Variants in DYNC1H1 observed in about 807,000 individuals in gnomAD.
DYNC1H1 encodes the protein dynein cytoplasmic 1 heavy chain 1.
In DYNC1H1, 51 loss-of-function variants were observed where a neutral mutation model predicts 527.1. The observed-to-expected ratio is 0.10, with a 90% CI of 0.08 to 0.12. The LOEUF is 0.12. DYNC1H1 is among the 10% of genes least tolerant of loss of function. The pLI, the probability that DYNC1H1 is intolerant of heterozygous loss-of-function variation, is 1.00. For missense variants in DYNC1H1, 2,771 were observed against 5,971.8 expected (o/e 0.46, Z 17.66); for synonymous variants, 2,189 against 2,278.8 (o/e 0.96, Z 1.12).
rs118014540 is a variant in DYNC1H1, at chr14:102,027,583, G to A, written c.9049-36G>A. 765 of 1,614,082 alleles carry A rather than the reference G, an allele frequency of 4.7e-4. 10 individuals are homozygous for A. The East Asian group carries it at 0.014, about 30-fold the overall frequency. ...GTGTTGCGTTGCATTACGTGTTACCGGGGGACCAGTAAGTCAGCACTGTGC... is the reference window on the plus strand; with the variant it reads ...GTGTTGCGTTGCATTACGTGTTACCAGGGGACCAGTAAGTCAGCACTGTGC... On this transcript the variant is annotated intron_variant, in intron 46 of 77. Coordinates refer to ENST00000360184, the MANE Select transcript of DYNC1H1 (RefSeq NM_001376.5). The surrounding 1 kb of genome is among the most constrained non-coding windows in gnomAD (Gnocchi z 7.7).
chr14:101,981,668 C>G (rs1202836840), intron 5 of DYNC1H1, among the ~76,000 whole-genome samples: 1 of 152,194 alleles, frequency 6.6e-6, no homozygotes, highest in Non-Finnish European at 1.5e-5. Flanking sequence ...TAGAAACCTT[C>G]CGGTTACTTA....
intron 28 of DYNC1H1, 137 bp from the exon 29 acceptor site, chr14:102,008,041 A>G: frequency 2.5e-6 from 3 of 1,219,632 alleles, no homozygotes; most frequent in Admixed American, 1.9e-5. Context: ...AACCTTAGTT[A>G]TGTCCTTACA....
Position 102,008,349 on chromosome 14 carries a change from C to T in DYNC1H1, c.5977+12C>T, listed in dbSNP as rs967068629. 3 of 1,613,836 alleles carry T rather than the reference C, an allele frequency of 1.9e-6. No homozygotes were observed. The highest frequency in any genetic ancestry group is 2.7e-5 in the African/African-American group (2 of 74,940). On this transcript the variant is annotated intron_variant, in intron 29 of 77. Coordinates refer to ENST00000360184, the MANE Select transcript of DYNC1H1 (RefSeq NM_001376.5). ...CAACTACGACAAGAGTAAGACACCTCTTCTTCAAAAATTACTTAGAGAATG... is the reference window on the plus strand; with the variant it reads ...CAACTACGACAAGAGTAAGACACCTTTTCTTCAAAAATTACTTAGAGAATG...
Position 102,017,665 on chromosome 14 carries a change from A to T in DYNC1H1, c.8177+161A>T. On this transcript the variant is annotated intron_variant, in intron 40 of 77. Coordinates refer to ENST00000360184, the MANE Select transcript of DYNC1H1 (RefSeq NM_001376.5). The surrounding 1 kb of genome is among the most constrained non-coding windows in gnomAD (Gnocchi z 4.6). ...CTCTGTGCTGTAATGCCAGGAAAAC[A>T]TGTTAAAAATAAAAGCATTGGCCGG... is the stretch of plus-strand genomic sequence containing the variant. 2 of 1,366,684 alleles carry T rather than the reference A, an allele frequency of 1.5e-6. No individual in the cohort carries two copies. Among genetic ancestry groups the T allele is most frequent in the Non-Finnish European group, 2.0e-6 (2 of 986,262 alleles). The allele number at this position is 1,366,684 out of a possible 1,614,324, so 84.7% of individuals were successfully genotyped here. A position where few individuals can be genotyped will look rare whatever the true frequency, so the allele number is the denominator to read the frequency against.
Position 102,043,913 on chromosome 14 carries a change from C to G in DYNC1H1, c.12552C>G (p.Ala4184=). Residue 4184 remains alanine, a synonymous_variant, in exon 70 of 78, where the codon GCC becomes GCG. Coordinates refer to ENST00000360184, the MANE Select transcript of DYNC1H1 (RefSeq NM_001376.5). ...NERARLYFLL[A]WFHAIIQERL... ...GTGCCCGCTTGTACTTCCTGCTGGC[C>G]TGGTTTCATGCGATCATCCAAGAAC... 6.2e-7 allele frequency: 1 copy of G among 1,614,204 alleles called. No homozygotes were observed. The highest frequency in any genetic ancestry group is 8.5e-7 in the Non-Finnish European group (1 of 1,180,044).
chr14:102,042,573 G>A lies in DYNC1H1; in HGVS notation c.12400-62G>A. On this transcript the variant is annotated intron_variant, in intron 68 of 77. Transcript: ENST00000360184. The surrounding 1 kb of genome is among the most constrained non-coding windows in gnomAD (Gnocchi z 5.7). ...GCACTGTGCTGTCGGCACGTGTGTG[G>A]TGGAATTGAACAGGCGCCCTCATCC... 3 of 1,613,776 alleles carry A rather than the reference G, an allele frequency of 1.9e-6. No individual in the cohort carries two copies. Among genetic ancestry groups the A allele is most frequent in the Non-Finnish European group, 2.5e-6 (3 of 1,179,870 alleles).
chr14:101,970,247 C>T (rs930825835), intron 1 of DYNC1H1, among the ~76,000 whole-genome samples: 12 of 151,970 alleles, frequency 7.9e-5, no homozygotes, highest in African/African-American at 2.4e-4. Context: ...GAGAATACTC[C>T]GACTTTCTCA....
In DYNC1H1 at chr14:101,965,136, G is replaced by A. The variant is rs2047650733; in HGVS notation, c.256+189G>A. Among the ~76,000 whole-genome samples the A allele has an allele frequency of 6.6e-6, 1 of 151,812 alleles. No individual in the cohort carries two copies. Among genetic ancestry groups the A allele is most frequent in the Non-Finnish European group, 1.5e-5 (1 of 67,920 alleles). On this transcript the variant is annotated intron_variant, in intron 1 of 77. Coordinates refer to ENST00000360184, the MANE Select transcript of DYNC1H1 (RefSeq NM_001376.5). This position sits in a 1 kb window ranked among gnomAD's most constrained non-coding sequence, Gnocchi z 4.1. ...GGGTCCCCAGGGCCGCAGACGCCCC[G>A]CAGAGGCCGGCGCGGCGCCCGGGGC...
rs1189061641 is a variant in DYNC1H1 at position 102,010,897 on chromosome 14, A to C, written c.6563A>C (p.Glu2188Ala). Reference protein sequence around the residue: ...LREELKKVCQEMYLTYGDGEE... With the variant: ...LREELKKVCQAMYLTYGDGEE... ...GAGGAGCTGAAGAAAGTGTGTCAGG[A>C]GATGTATTTGACATATGGAGATGGA... Residue 2188 changes from glutamate (E) to alanine (A), a missense_variant, in exon 32 of 78, where the codon GAG becomes GCG. Physicochemically the swap from Glu to Ala is moderately radical, Grantham distance 107 (BLOSUM62 -1). Coordinates refer to ENST00000360184, the MANE Select transcript of DYNC1H1 (RefSeq NM_001376.5). The surrounding 1 kb of genome is among the most constrained non-coding windows in gnomAD (Gnocchi z 6.0). 2 of 1,614,118 alleles carry C rather than the reference A, an allele frequency of 1.2e-6. No homozygotes were observed. Among genetic ancestry groups the C allele is most frequent in the African/African-American group, 2.7e-5 (2 of 74,952 alleles).
At position 101,994,992 on chromosome 14, in the gene DYNC1H1, T is replaced by A. The variant is rs2048042458; in HGVS notation, c.3340T>A (p.Ser1114Thr). ...PVVIDYGKVQ[S>T]KVNLKYDSWH... ...TGTGCTATTTCACCCTCAGGTACAA[T>A]CTAAGGTGAACTTGAAATATGACTC... Residue 1114 changes from serine (S) to threonine (T), a missense_variant, in exon 14 of 78, where the codon TCT (serine) becomes ACT (threonine). Ser to Thr is a moderately conservative substitution (Grantham distance 58). Transcript: ENST00000360184. 2 of 1,614,074 alleles carry A rather than the reference T, an allele frequency of 1.2e-6. No homozygotes were observed. Among genetic ancestry groups the A allele is most frequent in the Admixed American group, 3.3e-5 (2 of 60,012 alleles).
chr14:101,971,183 G>A (rs957052530), intron 1 of DYNC1H1, among the ~76,000 whole-genome samples: 6 of 140,184 alleles, frequency 4.3e-5, no homozygotes, highest in South Asian at 2.2e-4. Context: ...CTGCAGCCTC[G>A]GTCTCCTGGG....
At chr14:101,994,608 A>G in intron 12 of DYNC1H1, 65 bp from the exon 13 acceptor site, 1 of 1,587,234 alleles carries the variant, frequency 6.3e-7, no homozygotes, top group Non-Finnish European at 8.6e-7. Flanking sequence ...TGTGAACATA[A>G]GAGGTGCCAG....
rs1434545215 is a variant in DYNC1H1, at chr14:102,010,093, A to G, written c.6221+7A>G. ...AAATCGTCCCGTTTTTTAAGTAAGT[A>G]GCCTAGAATTCTTCATAATCATGTT... is the stretch of plus-strand genomic sequence containing the variant. On this transcript the variant is annotated splice_region_variant and intron_variant, in intron 30 of 77. Coordinates refer to ENST00000360184, the MANE Select transcript of DYNC1H1 (RefSeq NM_001376.5). This position sits in a 1 kb window ranked among gnomAD's most constrained non-coding sequence, Gnocchi z 6.0. 6.2e-7 allele frequency: 1 copy of G among 1,613,394 alleles called. No homozygotes were observed. The highest frequency in any genetic ancestry group is 8.5e-7 in the Non-Finnish European group (1 of 1,180,054).
intron 69 of DYNC1H1, chr14:102,043,416 C>T (rs1323720286): frequency 6.7e-6 from 2 of 300,048 alleles, no homozygotes; most frequent in Admixed American, 4.9e-5. Context: ...CCCAGAGGAG[C>T]AGAGATGCCC....
intron 27 of DYNC1H1, among the ~76,000 whole-genome samples, chr14:102,006,454 C>T (rs1416672042): frequency 1.3e-5 from 2 of 152,160 alleles, no homozygotes; most frequent in Non-Finnish European, 2.9e-5. Context: ...AGGCTGGTCT[C>T]GAACTCCTGA....
intron 1 of DYNC1H1, among the ~76,000 whole-genome samples, chr14:101,974,813 G>A (rs985470368): frequency 2.0e-5 from 3 of 152,194 alleles, no homozygotes; most frequent in African/African-American, 7.2e-5. Flanking sequence ...GATTACTGAC[G>A]TAAGCCACCA....
At chr14:101,971,085 CTTTTTTTTT>C (rs780745783) in intron 1 of DYNC1H1, among the ~76,000 whole-genome samples, 20 of 64,080 alleles carry the variant, frequency 3.1e-4, no homozygotes, top group South Asian at 5.6e-4. Context: ...CCGTATCATT[CTTTTTTTTT>C]TTTTTTTTTT....
At chr14:102,037,017 A>G in intron 57 of DYNC1H1, 1 of 333,666 alleles carries the variant, frequency 3.0e-6, no homozygotes, top group Non-Finnish European at 5.9e-6. Flanking sequence ...GAATCACTTG[A>G]ACCCGGGAGG....
Position 102,012,489 on chromosome 14 carries a change from G to C in DYNC1H1, c.7014+19G>C. On this transcript the variant is annotated intron_variant, in intron 34 of 77. Transcript: ENST00000360184. The surrounding 1 kb of genome is among the most constrained non-coding windows in gnomAD (Gnocchi z 4.9). ...ACCCAATGTAAGTAGCCTTTTGTAT[G>C]TCGTCAACTGAATAATTCCTTTTGG... 6.2e-7 allele frequency: 1 copy of C among 1,614,160 alleles called. No homozygotes were observed. Among genetic ancestry groups the C allele is most frequent in the Non-Finnish European group, 8.5e-7 (1 of 1,180,022 alleles).
Sources: gnomAD v4.1 joint callset for allele counts (sites outside exome capture counted in the v4.1 genomes callset) on GRCh38, gnomAD v4.1.1 for gene constraint, Gnocchi (gnomAD v3.1) non-coding constraint, MANE v1.5 for transcripts, NCBI Gene and HGNC (gene_info 2026-07-23, HGNC 2026-07-21) for gene names.